Variants in FNDC1 observed in about 807,000 individuals in gnomAD.
FNDC1 encodes fibronectin type III domain-containing protein 1.
FNDC1 carries 96 observed loss-of-function variants against 168.0 expected under a neutral mutation model. That is an observed-to-expected ratio of 0.57 (90% CI 0.48 to 0.68). The LOEUF (loss-of-function observed/expected upper bound fraction) is 0.68, where lower values mean the gene tolerates loss of function less well. FNDC1 is among the 30% of genes least tolerant of loss of function. The pLI, the probability that FNDC1 is intolerant of heterozygous loss-of-function variation, is 0.00. For synonymous variants in FNDC1, 1,099 were observed against 1,025.9 expected, an observed-to-expected ratio of 1.07 and a Z score of -1.36; for missense variants, 2,587 against 2,482.1, an observed-to-expected ratio of 1.04 and a Z score of -0.90.
At chr6:159,265,311 A>G (rs1777567377) in intron 20 of FNDC1, among the ~76,000 whole-genome samples, 1 of 152,248 alleles carries the variant, frequency 6.6e-6, no homozygotes. Flanking sequence ...AAAAGGTAGC[A>G]AAGTGCAACA....
chr6:159,232,739 G>A lies in FNDC1; in HGVS notation c.2227G>A (p.Gly743Ser), dbSNP rs762540866. 5.6e-6 allele frequency: 9 copies of A among 1,613,940 alleles called. No individual in the cohort carries two copies. The South Asian group carries it at 6.6e-5, about 12-fold the overall frequency. Residue 743 changes from glycine to serine, a missense_variant, in exon 11 of 23, where the codon GGC becomes AGC. By Grantham distance (56) the Gly-to-Ser change is moderately conservative. Transcript: ENST00000297267. This position sits in a 1 kb window ranked among gnomAD's most constrained non-coding sequence, Gnocchi z 4.9. ...QPHLSSPLSKGGKDGEDAPAT... is the reference protein window; with the variant it reads ...QPHLSSPLSKSGKDGEDAPAT... ...ACACCTGAGCTCTCCACTTTCCAAG[G>A]GCGGGAAGGATGGTGAGGACGCCCC... is the stretch of plus-strand genomic sequence containing the variant.
intron 4 of FNDC1, among the ~76,000 whole-genome samples, chr6:159,204,030 C>G (rs541760501): frequency 6.6e-6 from 1 of 152,330 alleles, no homozygotes; most frequent in Admixed American, 6.5e-5. Context: ...AGGCCTAGTA[C>G]TGAAATCAAA....
In FNDC1 at chr6:159,249,143, G is replaced by A; in HGVS notation, c.4795G>A (p.Glu1599Lys). The A allele has an allele frequency of 6.2e-7, 1 of 1,611,176 alleles. No homozygotes were observed. Among genetic ancestry groups the A allele is most frequent in the South Asian group, 1.1e-5 (1 of 90,122 alleles). Residue 1599 changes from glutamate to lysine, a missense_variant, in exon 16 of 23, where the codon GAA (glutamate) becomes AAA (lysine). By Grantham distance (56) the Glu-to-Lys change is moderately conservative. Coordinates refer to ENST00000297267, the MANE Select transcript of FNDC1 (RefSeq NM_032532.3). Reference protein sequence around the residue: ...PEEGAISSFPEEEFDLAGRKR... With the variant: ...PEEGAISSFPKEEFDLAGRKR... ...GGAAGGCGCCATCAGTTCCTTTCCT[G>A]AAGAAGAATTTGATCTGGCTGGAAG...
At chr6:159,229,537 G>A (rs1232384542) in intron 9 of FNDC1, among the ~76,000 whole-genome samples, 3 of 152,104 alleles carry the variant, frequency 2.0e-5, no homozygotes, top group African/African-American at 7.2e-5. Context: ...AATTTGGGGG[G>A]AATTGTATGA....
Position 159,233,527 on chromosome 6 carries a change from GC to G in FNDC1, c.3020del (p.Pro1007LeufsTer29). On this transcript the variant is annotated frameshift_variant, in exon 11 of 23. Coordinates refer to ENST00000297267, the MANE Select transcript of FNDC1 (RefSeq NM_032532.3). LOFTEE classifies it high-confidence loss of function. The surrounding 1 kb of genome is among the most constrained non-coding windows in gnomAD (Gnocchi z 4.6). Reference protein sequence around the residue: ...MTPGRAPQQQPPPPVATSQHH... With the variant: ...MTPGRAPQQQXPPPVATSQHH... ...CACCCGGCCGGGCCCCACAACAGCAGCCCCCTCCTCCCGTCGCCACGTCCCA... is the reference window on the plus strand; with the variant it reads ...CACCCGGCCGGGCCCCACAACAGCAGCCCCTCCTCCCGTCGCCACGTCCCA... 1.9e-6 allele frequency: 3 copies of G among 1,598,508 alleles called. No homozygotes were observed. Among genetic ancestry groups the G allele is most frequent in the Non-Finnish European group, 2.6e-6 (3 of 1,175,986 alleles).
At chr6:159,190,616 A>G (rs1239023656) in intron 1 of FNDC1, among the ~76,000 whole-genome samples, 1 of 152,214 alleles carries the variant, frequency 6.6e-6, no homozygotes, top group Non-Finnish European at 1.5e-5. Context: ...AGGAAGCACA[A>G]TGGTGGCCAC....
intron 22 of FNDC1, among the ~76,000 whole-genome samples, 191 bp downstream of exon 22, chr6:159,268,117 A>G (rs1344479289): frequency 6.6e-6 from 1 of 152,192 alleles, no homozygotes; most frequent in Non-Finnish European, 1.5e-5. Flanking sequence ...TGAGGGGGTG[A>G]GTCTCAAGGA....
chr6:159,251,455 C>T lies in FNDC1; in HGVS notation c.4988C>T (p.Thr1663Ile), dbSNP rs1777262859. 1 of 1,613,940 alleles carries T rather than the reference C, an allele frequency of 6.2e-7. No individual in the cohort carries two copies. The stretch of plus-strand genomic sequence containing the variant: ...CCCCAGCATGCTCCCCGCAACATCA[C>T]CGTGGTGGCCGTGGAAGGTTGCCAC... The part of the protein sequence containing the change: ...LPPQHAPRNI[T>I]VVAVEGCHSF... Residue 1663 changes from threonine to isoleucine, a missense_variant, in exon 17 of 23, where the codon ACC (threonine) becomes ATC (isoleucine). Physicochemically the swap from Thr to Ile is moderately conservative, Grantham distance 89. Transcript: ENST00000297267.
chr6:159,238,482 A>G, intron 12 of FNDC1, 72 bp from the exon 13 acceptor site: 1 of 976,314 alleles, frequency 1.0e-6, no homozygotes, highest in East Asian at 2.6e-5. Context: ...AGGGGTATAT[A>G]CATATATAAT....
chr6:159,233,568 C>G lies in FNDC1; in HGVS notation c.3056C>G (p.Pro1019Arg). ...PVATSQHHPGPQSRDAGRSPS... is the reference protein window; with the variant it reads ...PVATSQHHPGRQSRDAGRSPS... The stretch of plus-strand genomic sequence containing the variant: ...GCCACGTCCCAGCACCACCCGGGAC[C>G]CCAGAGCAGAGACGCGGGTCGGTCA... Residue 1019 changes from proline (P) to arginine (R), a missense_variant, in exon 11 of 23, where the codon CCC becomes CGC. By Grantham distance (103) the Pro-to-Arg change is moderately radical (BLOSUM62 -2). Transcript: ENST00000297267. This position sits in a 1 kb window ranked among gnomAD's most constrained non-coding sequence, Gnocchi z 4.6. 1 of 1,591,448 alleles carries G rather than the reference C, an allele frequency of 6.3e-7. No individual in the cohort carries two copies. The highest frequency in any genetic ancestry group is 8.5e-7 in the Non-Finnish European group (1 of 1,172,442).
intron 15 of FNDC1, among the ~76,000 whole-genome samples, chr6:159,248,182 C>T (rs1777175053): frequency 6.6e-6 from 1 of 151,740 alleles, no homozygotes; most frequent in Admixed American, 6.5e-5. Context: ...AAGCATCTTT[C>T]TTATCTTTGA....
rs1214819983 is a variant in FNDC1 at position 159,221,598 on chromosome 6, C to T, written c.668C>T (p.Ala223Val). ...TCATCCCTCACTCCCTGGTCCACAG[C>T]CTCGGAATCCGTGTATGTGGTCTCC... ...DERTHEIKKL[A>V]SESVYVVSLQ... The change falls in exon 6 of 23, where the codon GCC becomes GTC. Residue 223 changes from alanine (A) to valine (V), a missense_variant and splice_region_variant. Coordinates refer to ENST00000297267, the MANE Select transcript of FNDC1 (RefSeq NM_032532.3). 1 of 1,612,860 alleles carries T rather than the reference C, an allele frequency of 6.2e-7. No homozygotes were observed. The highest frequency in any genetic ancestry group is 1.1e-5 in the South Asian group (1 of 91,068).
intron 14 of FNDC1, among the ~76,000 whole-genome samples, chr6:159,241,509 G>A (rs1461702950): frequency 6.6e-6 from 1 of 152,080 alleles, no homozygotes; most frequent in African/African-American, 2.4e-5. Context: ...TGATTCCCTA[G>A]TCGAAGCTAA....
intron 1 of FNDC1, among the ~76,000 whole-genome samples, chr6:159,196,070 C>T (rs1253507148): frequency 6.6e-6 from 1 of 152,158 alleles, no homozygotes; most frequent in African/African-American, 2.4e-5. Context: ...GAACAGTAAC[C>T]ACTATTGCTA....
chr6:159,221,626 G>A lies in FNDC1; in HGVS notation c.696G>A (p.Leu232=), dbSNP rs527845139. ...LASESVYVVS[L]QSMNSQGRSQ... ...CGGAATCCGTGTATGTGGTCTCCCT[G>A]CAGTCCATGAACTCTCAGGGCCGGA... The change falls in exon 6 of 23, where the codon CTG becomes CTA. Residue 232 remains leucine, a synonymous_variant. Transcript: ENST00000297267. The A allele has an allele frequency of 1.2e-6, 2 of 1,613,986 alleles. No homozygotes were observed. The highest frequency in any genetic ancestry group is 1.3e-5 in the African/African-American group (1 of 75,056).
rs1562640026 is a variant in FNDC1 at position 159,214,968 on chromosome 6, T to TTGCGTG, written c.492_497dup (p.Val166_Arg167dup). ...AGAAAAGGAAGTGCCCAACAAGCCC[T>TTGCGTG]TGCGTGTGCGTGTCCGGTCCTCAGA... On this transcript the variant is annotated inframe_insertion, in exon 5 of 23. Transcript: ENST00000297267. 1 of 1,613,962 alleles carries TTGCGTG rather than the reference T, an allele frequency of 6.2e-7. No homozygotes were observed. The highest frequency in any genetic ancestry group is 1.7e-4 in the Middle Eastern group (1 of 6,054).
chr6:159,233,593 A>G lies in FNDC1; in HGVS notation c.3081A>G (p.Ser1027=). 6.3e-7 allele frequency: 1 copy of G among 1,580,042 alleles called. No individual in the cohort carries two copies. The highest frequency in any genetic ancestry group is 8.6e-7 in the Non-Finnish European group (1 of 1,166,520). Residue 1027 remains serine, a synonymous_variant, in exon 11 of 23, where the codon TCA becomes TCG. Transcript: ENST00000297267. The surrounding 1 kb of genome is among the most constrained non-coding windows in gnomAD (Gnocchi z 4.6). Reference sequence around the variant, plus strand: ...CCCAGAGCAGAGACGCGGGTCGGTCACCTTCCCAGCCCAGGCTCTCACTGA... The same window carrying G: ...CCCAGAGCAGAGACGCGGGTCGGTCGCCTTCCCAGCCCAGGCTCTCACTGA... ...PGPQSRDAGR[S]PSQPRLSLTQ... is the part of the protein sequence containing the mutation.
At chr6:159,221,761 T>C in intron 6 of FNDC1, 65 bp downstream of exon 6, 1 of 1,176,480 alleles carries the variant, frequency 8.5e-7, no homozygotes, top group Non-Finnish European at 1.3e-6. Flanking sequence ...TGTTTCCAAA[T>C]GATGCTGGCT....
intron 16 of FNDC1, among the ~76,000 whole-genome samples, chr6:159,250,624 G>A (rs565003297): frequency 1.3e-5 from 2 of 152,310 alleles, no homozygotes; most frequent in South Asian, 4.2e-4. Context: ...GTTGGCAGGC[G>A]AGATGGTAAC....
Sources: gnomAD v4.1 joint callset for allele counts (sites outside exome capture counted in the v4.1 genomes callset) on GRCh38, gnomAD v4.1.1 for gene constraint, Gnocchi (gnomAD v3.1) non-coding constraint, MANE v1.5 for transcripts, NCBI Gene and HGNC (gene_info 2026-07-23, HGNC 2026-07-21) for gene names.